Variants in CNNM2 observed in about 807,000 individuals in gnomAD.
CNNM2 encodes metal transporter CNNM2.
CNNM2 carries 12 observed loss-of-function variants against 66.9 expected under a neutral mutation model. The ratio of observed to expected loss-of-function variants is 0.18; its 90% CI spans 0.11 to 0.29. The LOEUF is 0.29. Ranked by LOEUF, CNNM2 falls within the 10% of genes least tolerant of loss-of-function variation. CNNM2 has a pLI of 1.00. For synonymous variants in CNNM2, 557 were observed against 501.8 expected, an observed-to-expected ratio of 1.11 and a Z score of -1.47; for missense variants, 705 against 1,167.7, an observed-to-expected ratio of 0.60 and a Z score of 5.77.
intron 1 of CNNM2, among the ~76,000 whole-genome samples, chr10:102,981,206 C>T (rs1053675952): frequency 1.3e-5 from 2 of 151,960 alleles, no homozygotes; most frequent in Non-Finnish European, 2.9e-5. Context: ...AAAAATTAGC[C>T]AGGTGTGATG....
intron 1 of CNNM2, among the ~76,000 whole-genome samples, chr10:103,048,799 G>T (rs1012218493): frequency 1.3e-5 from 2 of 152,204 alleles, no homozygotes; most frequent in African/African-American, 4.8e-5. Context: ...TTGTCATACA[G>T]ATTACCAAAA....
rs75386664 is a variant in CNNM2, at chr10:103,035,245, A to G, written c.1622-14462A>G. ...GCTGCAGGCCTAAAGGAAAGACAGA[A>G]ATAGTCTCATTGGTTCTAAAATAAA... On this transcript the variant is annotated intron_variant, in intron 1 of 7. Coordinates refer to ENST00000369878, the MANE Select transcript of CNNM2 (RefSeq NM_017649.5). Among the ~76,000 whole-genome samples, 825 of 152,316 alleles carry G rather than the reference A, an allele frequency of 5.4e-3. 7 individuals carry two copies. The highest frequency in any genetic ancestry group is 0.019 in the African/African-American group (778 of 41,566).
intron 1 of CNNM2, among the ~76,000 whole-genome samples, chr10:103,016,402 T>C (rs1266065184): frequency 2.6e-5 from 4 of 152,174 alleles, no homozygotes; most frequent in Admixed American, 6.5e-5. Flanking sequence ...AAAGGACTTA[T>C]TTAAGTCCTA....
At chr10:102,935,158 C>CAAAAAAAAAAAAA in intron 1 of CNNM2, among the ~76,000 whole-genome samples, 1 of 82,498 alleles carries the variant, frequency 1.2e-5, no homozygotes, top group Non-Finnish European at 2.4e-5. Context: ...GACTCCATCT[C>CAAAAAAAAAAAAA]AAAAAAAAAA....
chr10:102,969,625 A>G (rs954533558), intron 1 of CNNM2, among the ~76,000 whole-genome samples: 3 of 152,010 alleles, frequency 2.0e-5, no homozygotes, highest in Non-Finnish European at 4.4e-5. Flanking sequence ...AATAGCGGCA[A>G]TTGGTGTTGT....
chr10:103,038,219 C>T (rs2064976921), intron 1 of CNNM2, among the ~76,000 whole-genome samples: 1 of 152,150 alleles, frequency 6.6e-6, no homozygotes, highest in African/African-American at 2.4e-5. Context: ...TTTCCCAAAT[C>T]TCCATTGATA....
At chr10:102,927,462 A>G in intron 1 of CNNM2, 1 of 1,605,590 alleles carries the variant, frequency 6.2e-7, no homozygotes, top group Non-Finnish European at 8.5e-7. Flanking sequence ...CAGAGGGATA[A>G]AAAGGGGTGG....
At chr10:102,985,432 C>T (rs1175344404) in intron 1 of CNNM2, among the ~76,000 whole-genome samples, 1 of 152,158 alleles carries the variant, frequency 6.6e-6, no homozygotes, top group African/African-American at 2.4e-5. Context: ...ACTCTGAAAG[C>T]TTCTTTACAT....
At chr10:103,035,555 T>G (rs1268981688) in intron 1 of CNNM2, among the ~76,000 whole-genome samples, 2 of 152,322 alleles carry the variant, frequency 1.3e-5, no homozygotes, top group East Asian at 1.9e-4. Context: ...AACTCTTCAG[T>G]CTCTGTTCTG....
At chr10:103,003,357 G>A (rs1456411282) in intron 1 of CNNM2, among the ~76,000 whole-genome samples, 2 of 151,936 alleles carry the variant, frequency 1.3e-5, no homozygotes, top group African/African-American at 2.4e-5. Context: ...CAGGTAATCC[G>A]CCTGCCTCAG....
At chr10:103,072,911 T>C (rs2065616560) in intron 6 of CNNM2, among the ~76,000 whole-genome samples, 1 of 152,340 alleles carries the variant, frequency 6.6e-6, no homozygotes, top group East Asian at 1.9e-4. Context: ...GAATTGCTGG[T>C]GGTGTATGTA....
At chr10:103,001,807 C>G (rs886911216) in intron 1 of CNNM2, among the ~76,000 whole-genome samples, 1 of 151,858 alleles carries the variant, frequency 6.6e-6, no homozygotes, top group African/African-American at 2.4e-5. Flanking sequence ...AGTTCGAGAC[C>G]AGCCTAGCCA....
In CNNM2 at chr10:103,019,316, T is replaced by A. The variant is rs2064522603; in HGVS notation, c.1622-30391T>A. 4.0e-5 allele frequency among the ~76,000 whole-genome samples: 6 copies of A among 149,614 alleles called. No individual in the cohort carries two copies. In the South Asian group the frequency reaches 1.3e-3, roughly 32 times the overall value. The stretch of plus-strand genomic sequence containing the variant: ...ATGAAATACTGAACAAGATGAGGGC[T>A]AAGAATCATTGTATTTAGCAAAATG... On this transcript the variant is annotated intron_variant, in intron 1 of 7. Transcript: ENST00000369878.
intron 1 of CNNM2, among the ~76,000 whole-genome samples, chr10:102,979,723 C>T (rs1258445513): frequency 6.6e-6 from 1 of 151,882 alleles, no homozygotes; most frequent in Non-Finnish European, 1.5e-5. Flanking sequence ...TTGTAATAGA[C>T]ATAATGGATG....
intron 1 of CNNM2, among the ~76,000 whole-genome samples, chr10:102,986,004 G>T (rs1406356159): frequency 6.6e-6 from 1 of 152,148 alleles, no homozygotes; most frequent in Non-Finnish European, 1.5e-5. Context: ...CCATGTCTGT[G>T]CTTGCCCTGA....
rs1554911297 is a variant in CNNM2 at position 103,088,049 on chromosome 10, A to ATATT, written c.*10875_*10878dup. On this transcript the variant is annotated 3_prime_UTR_variant, in exon 8 of 8. Coordinates refer to ENST00000369878, the MANE Select transcript of CNNM2 (RefSeq NM_017649.5). Reference sequence around the variant, plus strand: ...ATGTTAGAACATAATCAGTTCTTGAATATTTATTTCCTTTAAGAGAATATC... The same window carrying ATATT: ...ATGTTAGAACATAATCAGTTCTTGAATATTTATTTATTTCCTTTAAGAGAATATC... 1 of 152,118 alleles carries ATATT rather than the reference A, an allele frequency of 6.6e-6. No homozygotes were observed. Among genetic ancestry groups the ATATT allele is most frequent in the Non-Finnish European group, 1.5e-5 (1 of 67,932 alleles). The allele number at this position is 152,118 out of a possible 1,614,324, so 9.4% of individuals were successfully genotyped here.
chr10:103,045,766 CTATTTTAAAA>C (rs1336889712), intron 1 of CNNM2, among the ~76,000 whole-genome samples: 1 of 152,112 alleles, frequency 6.6e-6, no homozygotes, highest in Non-Finnish European at 1.5e-5. Context: ...GATGCTGTTA[CTATTTTAAAA>C]GATCTTTGAG....
intron 3 of CNNM2, among the ~76,000 whole-genome samples, chr10:103,055,009 C>T (rs944335338): frequency 6.6e-6 from 1 of 152,180 alleles, no homozygotes; most frequent in African/African-American, 2.4e-5. Context: ...ATTCTAAGAA[C>T]TTTGATATGG....
intron 1 of CNNM2, among the ~76,000 whole-genome samples, chr10:102,975,831 A>G (rs893383158): frequency 1.3e-5 from 2 of 152,100 alleles, no homozygotes; most frequent in Non-Finnish European, 2.9e-5. Context: ...CTATGAGAAA[A>G]CTTAGGTGTA....
Sources: gnomAD v4.1 joint callset for allele counts (sites outside exome capture counted in the v4.1 genomes callset) on GRCh38, gnomAD v4.1.1 for gene constraint, MANE v1.5 for transcripts, NCBI Gene and HGNC (gene_info 2026-07-23, HGNC 2026-07-21) for gene names.